The following NUP153 variants were observed in gnomAD, a reference collection of about 807,000 sequenced individuals.
The protein encoded by NUP153 is nucleoporin 153, also known as nuclear pore complex protein Nup153.
Under a neutral mutation model 134.6 loss-of-function variants are expected in NUP153, and 27 were observed. The ratio of observed to expected loss-of-function variants is 0.20; its 90% CI spans 0.15 to 0.28. The LOEUF is 0.28. Among genes scored for constraint, NUP153 ranks in the 10% least tolerant of loss-of-function variants. NUP153 has a pLI of 1.00. For synonymous variants in NUP153, 640 were observed against 623.5 expected (o/e 1.03, Z -0.40); for missense variants, 1,821 against 1,731.3 (o/e 1.05, Z -0.92).
At chr6:17,626,398 T>C (rs1400043108) in intron 18 of NUP153, among the ~76,000 whole-genome samples, 1 of 152,192 alleles carries the variant, frequency 6.6e-6, no homozygotes, top group Non-Finnish European at 1.5e-5. Flanking sequence ...AGGAAGGCCT[T>C]TGGCATTCAG....
At chr6:17,667,753 C>T (rs7760992) in intron 8 of NUP153, among the ~76,000 whole-genome samples, 1 of 152,220 alleles carries the variant, frequency 6.6e-6, no homozygotes, top group East Asian at 1.9e-4. Flanking sequence ...CAACAGTCTG[C>T]TTTCCCTGAA....
At chr6:17,683,789 TA>T (rs1768752078) in intron 2 of NUP153, among the ~76,000 whole-genome samples, 1 of 152,236 alleles carries the variant, frequency 6.6e-6, no homozygotes, top group South Asian at 2.1e-4. Flanking sequence ...ATCAAAATCC[TA>T]GATGGTATCT....
Position 17,661,642 on chromosome 6 carries a change from T to C in NUP153, c.1395+11A>G, listed in dbSNP as rs771694596. On this transcript the variant is annotated intron_variant, in intron 11 of 21. Transcript: ENST00000262077. ...AATAAACCTCAAGAGTATATGAGTA[T>C]ACAACCCTACCTCCTCCTCCAGAGG... The C allele has an allele frequency of 3.7e-5, 59 of 1,612,124 alleles. No individual in the cohort carries two copies. The highest frequency in any genetic ancestry group is 4.8e-5 in the Non-Finnish European group (57 of 1,179,064).
In NUP153 at chr6:17,628,118, G is replaced by A. The variant is rs1765034694; in HGVS notation, c.3544+537C>T. Among the ~76,000 whole-genome samples, 1 of 152,074 alleles carries A rather than the reference G, an allele frequency of 6.6e-6. No individual in the cohort carries two copies. Among genetic ancestry groups the A allele is most frequent in the East Asian group, 1.9e-4 (1 of 5,186 alleles). ...TCAGCTCACAGAATGACTTTAATAG[G>A]ATCCACCAACAATCATGCTTTTAAC... On this transcript the variant is annotated intron_variant, in intron 18 of 21. Transcript: ENST00000262077. This position sits in a 1 kb window ranked among gnomAD's most constrained non-coding sequence, Gnocchi z 5.4.
chr6:17,665,418 T>A (rs746068517), intron 8 of NUP153, 33 bp from the exon 9 acceptor site: 2 of 1,554,138 alleles, frequency 1.3e-6, no homozygotes, highest in Non-Finnish European at 1.8e-6. Flanking sequence ...AAACATTTAT[T>A]TTCATATAAA....
At chr6:17,649,559 C>T (rs185468653) in intron 11 of NUP153, among the ~76,000 whole-genome samples, 1 of 44,688 alleles carries the variant, frequency 2.2e-5, no homozygotes, top group African/African-American at 6.7e-5. Context: ...GTAATTCTTA[C>T]GATATACTAC....
intron 5 of NUP153, 75 bp from the exon 6 acceptor site, chr6:17,669,621 C>T: frequency 9.9e-7 from 1 of 1,006,470 alleles, no homozygotes; most frequent in South Asian, 1.3e-5. Flanking sequence ...AAAATATTTA[C>T]AAGATAGAAT....
At position 17,704,685 on chromosome 6, in the gene NUP153, C is replaced by CA. The variant is rs1397680752; in HGVS notation, c.111+1591dup. Among the ~76,000 whole-genome samples, 3 of 149,580 alleles carry CA rather than the reference C, an allele frequency of 2.0e-5. No individual in the cohort carries two copies. The South Asian group carries it at 6.3e-4, about 32-fold the overall frequency. Reference sequence around the variant, plus strand: ...TACCTGAACCACAATTTTTACTACTCAAACATTTCCCTCAAAATAAAAAAC... The same window carrying CA: ...TACCTGAACCACAATTTTTACTACTCAAAACATTTCCCTCAAAATAAAAAAC... On this transcript the variant is annotated intron_variant, in intron 1 of 21. Transcript: ENST00000262077.
intron 14 of NUP153, among the ~76,000 whole-genome samples, chr6:17,642,118 C>G (rs1441522501): frequency 6.6e-6 from 1 of 152,064 alleles, no homozygotes; most frequent in African/African-American, 2.4e-5. Context: ...GACATAAACA[C>G]CATAAAACTC....
intron 2 of NUP153, among the ~76,000 whole-genome samples, chr6:17,679,595 A>G (rs1768453993): frequency 6.6e-6 from 1 of 152,230 alleles, no homozygotes; most frequent in African/African-American, 2.4e-5. Context: ...TGGAGGTCTC[A>G]AGCTTTCTGA....
chr6:17,630,381 T>A (rs1765175480), intron 17 of NUP153, among the ~76,000 whole-genome samples: 1 of 152,170 alleles, frequency 6.6e-6, no homozygotes, highest in South Asian at 2.1e-4. Flanking sequence ...AACATCAGAC[T>A]GGGCGTGGTA....
At chr6:17,650,616 TA>T (rs374360029) in intron 11 of NUP153, among the ~76,000 whole-genome samples, 5 of 151,522 alleles carry the variant, frequency 3.3e-5, no homozygotes, top group African/African-American at 1.2e-4. Context: ...CAAAGCAAAA[TA>T]AAGGCACTTC....
intron 5 of NUP153, among the ~76,000 whole-genome samples, chr6:17,674,176 T>C (rs967543381): frequency 2.0e-5 from 3 of 152,214 alleles, no homozygotes; most frequent in Admixed American, 6.5e-5. Context: ...AGGAGAAGGG[T>C]TGACTCAAGA....
chr6:17,700,731 T>C (rs1769999859), intron 1 of NUP153, among the ~76,000 whole-genome samples: 1 of 152,220 alleles, frequency 6.6e-6, no homozygotes, highest in Non-Finnish European at 1.5e-5. Flanking sequence ...AACAATGACC[T>C]GTGGGCTGGG....
At chr6:17,695,159 T>C (rs967584077) in intron 1 of NUP153, among the ~76,000 whole-genome samples, 3 of 152,212 alleles carry the variant, frequency 2.0e-5, no homozygotes, top group African/African-American at 4.8e-5. Flanking sequence ...TCCCTTTAAA[T>C]TGTGTGCATA....
chr6:17,618,617 G>A (rs1028772939), intron 20 of NUP153, among the ~76,000 whole-genome samples: 1 of 149,348 alleles, frequency 6.7e-6, no homozygotes, highest in East Asian at 2.0e-4. Flanking sequence ...CCAGGCTGGA[G>A]TGCAGTGGCA....
chr6:17,662,903 A>G (rs927825371), intron 9 of NUP153, among the ~76,000 whole-genome samples: 30 of 152,206 alleles, frequency 2.0e-4, no homozygotes, highest in African/African-American at 7.0e-4. Flanking sequence ...AAAATTATCA[A>G]TATTGTGAAA....
chr6:17,631,748 C>T (rs1446429772), intron 17 of NUP153, among the ~76,000 whole-genome samples: 3 of 151,820 alleles, frequency 2.0e-5, no homozygotes, highest in Non-Finnish European at 4.4e-5. Context: ...GGGTGGATCA[C>T]GAAGTCAGGA....
intron 11 of NUP153, among the ~76,000 whole-genome samples, chr6:17,652,119 A>G (rs1197527800): frequency 6.6e-6 from 1 of 152,122 alleles, no homozygotes; most frequent in Non-Finnish European, 1.5e-5. Flanking sequence ...GGCAATTTTA[A>G]CCCCCATCTC....
Sources: gnomAD v4.1 joint callset for allele counts (sites outside exome capture counted in the v4.1 genomes callset) on GRCh38, gnomAD v4.1.1 for gene constraint, Gnocchi (gnomAD v3.1) non-coding constraint, MANE v1.5 for transcripts, NCBI Gene and HGNC (gene_info 2026-07-23, HGNC 2026-07-21) for gene names.